CCDC171: variants seen among roughly 807,000 people sequenced by gnomAD.
CCDC171 encodes coiled-coil domain-containing protein 171.
In CCDC171, 177 loss-of-function variants were observed where a neutral mutation model predicts 168.2. The ratio of observed to expected loss-of-function variants is 1.05; its 90% CI spans 0.93 to 1.19. The LOEUF (loss-of-function observed/expected upper bound fraction) is 1.19. CCDC171 is among the 50% of genes most tolerant of loss of function. The pLI is 0.00. For synonymous variants in CCDC171, 687 were observed against 540.8 expected, an observed-to-expected ratio of 1.27 and a Z score of -3.75; for missense variants, 1,991 against 1,539.0, an observed-to-expected ratio of 1.29 and a Z score of -4.91.
intron 12 of CCDC171, among the ~76,000 whole-genome samples, chr9:15,722,743 TG>T (rs761303146): frequency 2.2e-4 from 33 of 152,188 alleles, no homozygotes; most frequent in Non-Finnish European, 4.3e-4. Context: ...CTTGCTAAGA[TG>T]AACAAAGAAG....
chr9:15,604,497 C>G (rs187444870), intron 6 of CCDC171, among the ~76,000 whole-genome samples: 147 of 152,288 alleles, frequency 9.7e-4, no homozygotes, highest in Non-Finnish European at 8.8e-5. Context: ...TTCCAAAATT[C>G]TATACCTCAA....
At chr9:15,685,970 TG>T (rs2050366186) in intron 10 of CCDC171, among the ~76,000 whole-genome samples, 1 of 152,192 alleles carries the variant, frequency 6.6e-6, no homozygotes, top group Non-Finnish European at 1.5e-5. Flanking sequence ...ATCTCTTTTT[TG>T]CTCTTTGAAA....
chr9:15,671,343 A>G (rs1331372526), intron 9 of CCDC171, among the ~76,000 whole-genome samples: 1 of 151,244 alleles, frequency 6.6e-6, no homozygotes, highest in South Asian at 2.1e-4. Flanking sequence ...TTTTTTTTAA[A>G]TTTATTTTTA....
intron 4 of CCDC171, among the ~76,000 whole-genome samples, chr9:15,585,072 A>C (rs1210272680): frequency 6.6e-6 from 1 of 152,244 alleles, no homozygotes; most frequent in Non-Finnish European, 1.5e-5. Flanking sequence ...AGGTGGCTCT[A>C]ATTGAAAAGA....
exon 2 of CCDC171, chr9:16,060,666 G>A (rs1833920615): frequency 6.6e-6 from 1 of 152,230 alleles, no homozygotes; most frequent in Admixed American, 6.5e-5. Context: ...AGGGAAAAGA[G>A]ACTTCATTTC....
At chr9:15,721,966 G>T in intron 12 of CCDC171, 91 bp downstream of exon 12, 1 of 527,274 alleles carries the variant, frequency 1.9e-6, no homozygotes, top group Non-Finnish European at 3.2e-6. Context: ...AAAAGATTGG[G>T]AATGTTGAAC....
intron 11 of CCDC171, among the ~76,000 whole-genome samples, chr9:15,712,447 A>C (rs1233717196): frequency 6.6e-6 from 1 of 152,246 alleles, no homozygotes; most frequent in East Asian, 1.9e-4. Context: ...TAGTAAGACC[A>C]GTGAATCCTA....
intron 3 of CCDC171, among the ~76,000 whole-genome samples, chr9:16,003,277 A>G (rs970620781): frequency 6.6e-6 from 1 of 152,180 alleles, no homozygotes; most frequent in African/African-American, 2.4e-5. Context: ...TGATGGGACT[A>G]GATGATTTCT....
intron 6 of CCDC171, among the ~76,000 whole-genome samples, chr9:16,027,314 G>A (rs7873973): frequency 0.055 from 8,354 of 152,030 alleles, 746 homozygotes; most frequent in African/African-American, 0.19. Flanking sequence ...TCTAGTAAAA[G>A]AGAGAGAAAG....
intron 7 of CCDC171, among the ~76,000 whole-genome samples, chr9:15,631,761 A>G (rs192385050): frequency 2.4e-4 from 37 of 152,344 alleles, no homozygotes; most frequent in South Asian, 2.3e-3. Context: ...GATTGATGCA[A>G]AAATCCTCAG....
At chr9:15,953,380 A>G (rs1472830105) in intron 25 of CCDC171, among the ~76,000 whole-genome samples, 1 of 152,126 alleles carries the variant, frequency 6.6e-6, no homozygotes, top group African/African-American at 2.4e-5. Context: ...TGAGAGTTTT[A>G]AATTAGGAAG....
intron 21 of CCDC171, among the ~76,000 whole-genome samples, chr9:15,832,304 T>A (rs771449399): frequency 6.6e-6 from 1 of 152,210 alleles, no homozygotes; most frequent in Non-Finnish European, 1.5e-5. Flanking sequence ...CTTCCTTAAA[T>A]GAGGTTACAT....
At chr9:15,985,873 G>C (rs1831969907) in intron 3 of CCDC171, among the ~76,000 whole-genome samples, 1 of 152,208 alleles carries the variant, frequency 6.6e-6, no homozygotes, top group Admixed American at 6.5e-5. Flanking sequence ...GAAGTGGTCA[G>C]ACCATTTGAG....
At chr9:15,903,984 TG>T (rs1400238528) in intron 24 of CCDC171, among the ~76,000 whole-genome samples, 1 of 152,000 alleles carries the variant, frequency 6.6e-6, no homozygotes, top group Admixed American at 6.5e-5. Context: ...GAAAACAGAA[TG>T]AAAAGAAACA....
chr9:16,095,692 C>T, the CCDC171 span, among the ~76,000 whole-genome samples: 1 of 151,852 alleles, frequency 6.6e-6, no homozygotes, highest in Non-Finnish European at 1.5e-5. Flanking sequence ...GCTTTGGTGC[C>T]AGGCGAACCT....
chr9:15,763,626 A>G (rs2056568523), intron 18 of CCDC171, among the ~76,000 whole-genome samples: 1 of 152,166 alleles, frequency 6.6e-6, no homozygotes, highest in African/African-American at 2.4e-5. Flanking sequence ...AAATGGCCAG[A>G]CTTCTCCTTA....
At chr9:15,628,572 G>T (rs997012873) in intron 7 of CCDC171, among the ~76,000 whole-genome samples, 2 of 152,366 alleles carry the variant, frequency 1.3e-5, no homozygotes, top group African/African-American at 4.8e-5. Flanking sequence ...AGGCCTGCCT[G>T]CCTCTGTAGG....
intron 6 of CCDC171, among the ~76,000 whole-genome samples, chr9:15,607,136 C>A (rs985173485): frequency 6.6e-6 from 1 of 151,992 alleles, no homozygotes; most frequent in East Asian, 1.9e-4. Flanking sequence ...GAACATACAA[C>A]CCCCCCAGGG....
Position 15,831,956 on chromosome 9 carries a change from G to C in CCDC171, c.3268-14746G>C, listed in dbSNP as rs146831160. On this transcript the variant is annotated intron_variant, in intron 21 of 25. Transcript: ENST00000380701. ...TAGTTAGAGGGTGTTTGAGTATTTTGGTTTTGATTTCTTTTTTTGTCCCCT... is the reference window on the plus strand; with the variant it reads ...TAGTTAGAGGGTGTTTGAGTATTTTCGTTTTGATTTCTTTTTTTGTCCCCT... Among the ~76,000 whole-genome samples, 480 of 151,934 alleles carry C rather than the reference G, an allele frequency of 3.2e-3. 4 individuals are homozygous for C. Among genetic ancestry groups the C allele is most frequent in the Non-Finnish European group, 5.0e-3 (337 of 67,924 alleles).
Sources: gnomAD v4.1 joint callset for allele counts (sites outside exome capture counted in the v4.1 genomes callset) on GRCh38, gnomAD v4.1.1 for gene constraint, MANE v1.5 for transcripts, NCBI Gene and HGNC (gene_info 2026-07-23, HGNC 2026-07-21) for gene names.